BAIAP3: variants seen among roughly 807,000 people sequenced by gnomAD.
The protein encoded by BAIAP3 is BAI1 associated protein 3.
Under a neutral mutation model 149.7 loss-of-function variants are expected in BAIAP3, and 180 were observed. The observed-to-expected ratio is 1.20, with a 90% CI of 1.07 to 1.36. BAIAP3 has a LOEUF of 1.36. BAIAP3 is among the 40% of genes most tolerant of loss of function. The pLI, the probability that BAIAP3 is intolerant of heterozygous loss-of-function variation, is 0.00. For synonymous variants in BAIAP3, 845 were observed against 670.7 expected (o/e 1.26, Z -4.02); for missense variants, 1,767 against 1,563.4 (o/e 1.13, Z -2.20).
At chr16:1,334,439 A>C (rs2033327100) in intron 1 of BAIAP3, 103 of 527,376 alleles carry the variant, frequency 2.0e-4, no homozygotes, top group Middle Eastern at 5.3e-4. Context: ...GGCCCCGGGA[A>C]AGGGGGTGCC....
rs1439762048 is a variant in BAIAP3, at chr16:1,342,816, T to C, written c.1161+2T>C. The C allele has an allele frequency of 6.2e-7, 1 of 1,612,308 alleles. No individual in the cohort carries two copies. The highest frequency in any genetic ancestry group is 1.1e-5 in the South Asian group (1 of 91,056). On this transcript the variant is annotated splice_donor_variant, in intron 13 of 33. Coordinates refer to ENST00000426824, the MANE Select transcript of BAIAP3 (RefSeq NM_001199097.2). LOFTEE classifies it high-confidence loss of function. ...CGGTTGGAGCACTCAGCAGAGGAGG[T>C]AGTGGGTGCGCCTAGGATTGGAACA...
At chr16:1,347,026 C>T (rs1432910325) in intron 28 of BAIAP3, 71 bp downstream of exon 28, 1 of 1,399,856 alleles carries the variant, frequency 7.1e-7, no homozygotes, top group Non-Finnish European at 9.8e-7. Context: ...CCCTTTGTCC[C>T]CACTGGCCTG....
rs755896740 is a variant in BAIAP3, at chr16:1,348,380, G to A, written c.3357G>A (p.Val1119=). 9.9e-6 allele frequency: 16 copies of A among 1,612,158 alleles called. No homozygotes were observed. Among genetic ancestry groups the A allele is most frequent in the Middle Eastern group, 1.6e-4 (1 of 6,070 alleles). ...CACACCTGCCCGCGCTGCTTGCAGT[G>A]AGATCTGCGCTGAGGAGGCTGGAAG... is the stretch of plus-strand genomic sequence containing the variant. ...TLHLCRPRAQ[V]RSALRRLEGR... is the part of the protein sequence containing the mutation. The change falls in exon 34 of 34, where the codon GTG becomes GTA. Residue 1119 remains valine (V), a splice_region_variant and synonymous_variant. Coordinates refer to ENST00000426824, the MANE Select transcript of BAIAP3 (RefSeq NM_001199097.2).
intron 15 of BAIAP3, among the ~76,000 whole-genome samples, 198 bp from the exon 16 acceptor site, chr16:1,343,824 C>T (rs889279853): frequency 6.6e-6 from 1 of 152,156 alleles, no homozygotes; most frequent in African/African-American, 2.4e-5. Context: ...ACAGGCCCTA[C>T]GTGAGCTGCG....
At chr16:1,336,215 C>T (rs1032168034) in intron 1 of BAIAP3, 2 of 985,166 alleles carry the variant, frequency 2.0e-6, no homozygotes, top group Non-Finnish European at 2.4e-6. Flanking sequence ...CGGGGGACAG[C>T]AGGGGGAGCA....
At position 1,347,735 on chromosome 16, in the gene BAIAP3, G is replaced by A. The variant is rs2034477118; in HGVS notation, c.2939G>A (p.Ser980Asn). The change falls in exon 31 of 34, where the codon AGC (serine) becomes AAC (asparagine). Residue 980 changes from serine to asparagine, a missense_variant. Transcript: ENST00000426824. ...GAGCAGAACCGGTTTGGACGCCTGA[G>A]CGTCCGTTGCCATTACGAGGCGGCT... ...TLEQNRFGRL[S>N]VRCHYEAAEQ... 1 of 1,609,976 alleles carries A rather than the reference G, an allele frequency of 6.2e-7. No homozygotes were observed. Among genetic ancestry groups the A allele is most frequent in the Non-Finnish European group, 8.5e-7 (1 of 1,177,778 alleles).
At chr16:1,344,356 CT>C (rs778265599) in intron 17 of BAIAP3, 39 bp downstream of exon 17, 1 of 1,612,018 alleles carries the variant, frequency 6.2e-7, no homozygotes, top group African/African-American at 1.3e-5. Context: ...CTGCTAAGCC[CT>C]CCCTTCCCCT....
chr16:1,343,009 G>C lies in BAIAP3; in HGVS notation c.1258G>C (p.Ala420Pro), dbSNP rs1278483060. Residue 420 changes from alanine to proline, a missense_variant, in exon 14 of 34, where the codon GCC (alanine) becomes CCC (proline). By Grantham distance (27) the Ala-to-Pro change is conservative. Transcript: ENST00000426824. ...AQSNLSPLQL[A>P]VLHWQVSSRH... Reference sequence around the variant, plus strand: ...GAGCAACCTGTCACCCTTGCAGCTGGCCGTGCTGTGAGTGGGTGGAGCTAC... The same window carrying C: ...GAGCAACCTGTCACCCTTGCAGCTGCCCGTGCTGTGAGTGGGTGGAGCTAC... 1.9e-6 allele frequency: 3 copies of C among 1,608,658 alleles called. No homozygotes were observed. The African/African-American group carries it at 4.0e-5, about 21-fold the overall frequency.
chr16:1,345,844 G>C lies in BAIAP3; in HGVS notation c.2162G>C (p.Trp721Ser). The C allele has an allele frequency of 1.9e-6, 3 of 1,580,212 alleles. No individual in the cohort carries two copies. Among genetic ancestry groups the C allele is most frequent in the Non-Finnish European group, 2.6e-6 (3 of 1,165,056 alleles). The change falls in exon 23 of 34, where the codon TGG (tryptophan) becomes TCG (serine). Residue 721 changes from tryptophan (W) to serine (S), a missense_variant. By Grantham distance (177) the Trp-to-Ser change is radical (BLOSUM62 -3). Coordinates refer to ENST00000426824, the MANE Select transcript of BAIAP3 (RefSeq NM_001199097.2). ...CAGGAGTTGTGGGTGCGCCTGGCGTGGCCTGACCCTGCCCAGGCTCAGGGG... is the reference window on the plus strand; with the variant it reads ...CAGGAGTTGTGGGTGCGCCTGGCGTCGCCTGACCCTGCCCAGGCTCAGGGG... ...HIQELWVRLA[W>S]PDPAQAQGLG...
At chr16:1,336,943 G>A (rs528688141) in intron 1 of BAIAP3, among the ~76,000 whole-genome samples, 7 of 152,296 alleles carry the variant, frequency 4.6e-5, no homozygotes, top group South Asian at 2.1e-4. Flanking sequence ...GGGGGAGCGC[G>A]GTGTCCTAGA....
Position 1,339,072 on chromosome 16 carries a change from G to T in BAIAP3, c.219+83G>T, listed in dbSNP as rs756088884. 2.5e-6 allele frequency: 4 copies of T among 1,599,324 alleles called. No individual in the cohort carries two copies. The South Asian group carries it at 4.4e-5, about 18-fold the overall frequency. On this transcript the variant is annotated intron_variant, in intron 3 of 33. Coordinates refer to ENST00000426824, the MANE Select transcript of BAIAP3 (RefSeq NM_001199097.2). ...CTCCTCCCCGCTCCCTCCTGCCCTC[G>T]CTCCCACCTCCTGGGGCACCACCTG...
At position 1,340,986 on chromosome 16, in the gene BAIAP3, G is replaced by A. The variant is rs1342900505; in HGVS notation, c.468+5G>A. The A allele has an allele frequency of 2.5e-6, 4 of 1,600,056 alleles. No homozygotes were observed. Among genetic ancestry groups the A allele is most frequent in the Non-Finnish European group, 3.4e-6 (4 of 1,174,032 alleles). On this transcript the variant is annotated splice_donor_5th_base_variant and intron_variant, in intron 6 of 33. Transcript: ENST00000426824. Reference sequence around the variant, plus strand: ...GAGCGAGTGAGGAAGGCCAAGGTGAGGCCGCCACTGCCTGGGCAGGCACTG... The same window carrying A: ...GAGCGAGTGAGGAAGGCCAAGGTGAAGCCGCCACTGCCTGGGCAGGCACTG...
At chr16:1,342,840 C>T in intron 13 of BAIAP3, 26 bp downstream of exon 13, 3 of 1,612,462 alleles carry the variant, frequency 1.9e-6, no homozygotes, top group Non-Finnish European at 2.5e-6. Flanking sequence ...AGGATTGGAA[C>T]AGCCCGGCAG....
At chr16:1,342,123 G>A (rs770096743) in intron 10 of BAIAP3, 58 bp from the exon 11 acceptor site, 25 of 1,567,474 alleles carry the variant, frequency 1.6e-5, no homozygotes, top group African/African-American at 1.2e-4. Context: ...CATGGGGCCC[G>A]GCGGGCAGTG....
At chr16:1,347,450 T>A in intron 29 of BAIAP3, 81 bp downstream of exon 29, 1 of 1,589,642 alleles carries the variant, frequency 6.3e-7, no homozygotes, top group Non-Finnish European at 8.6e-7. Flanking sequence ...GCTGTGTCCT[T>A]GAGCATGAGG....
chr16:1,341,781 C>G, intron 8 of BAIAP3, 41 bp from the exon 9 acceptor site: 1 of 1,600,362 alleles, frequency 6.2e-7, no homozygotes, highest in Non-Finnish European at 8.5e-7. Flanking sequence ...TGGGCAGAGC[C>G]TCGCCGGGGA....
At chr16:1,338,725 C>T (rs113860984) in intron 2 of BAIAP3, 45 bp downstream of exon 2, 2 of 1,559,274 alleles carry the variant, frequency 1.3e-6, no homozygotes, top group African/African-American at 1.4e-5. Flanking sequence ...AGGGCCATTT[C>T]CCGCCAGACT....
Position 1,349,242 on chromosome 16 carries a change from C to A in BAIAP3, c.*760C>A. 1.5e-6 allele frequency: 1 copy of A among 669,576 alleles called. No individual in the cohort carries two copies. Among genetic ancestry groups the A allele is most frequent in the South Asian group, 1.8e-5 (1 of 56,596 alleles). 41.5% of individuals were successfully genotyped at this position (669,576 alleles called of 1,614,324 possible). On this transcript the variant is annotated 3_prime_UTR_variant, in exon 34 of 34. Transcript: ENST00000426824. ...TGAAAAACAGACTCACAAGGGGCTT[C>A]TTGGCCTGCAGCTTCATTTGCGAGA...
rs534433844 is a variant in BAIAP3, at chr16:1,338,960, G to A, written c.190G>A (p.Glu64Lys). 1.4e-5 allele frequency: 22 copies of A among 1,613,074 alleles called. No individual in the cohort carries two copies. The South Asian group carries it at 1.5e-4, about 11-fold the overall frequency. ...CATGCGCCTCATGCTGAAGAAGGGGGAAGGCAGACAGGGCTTGCCGTGCCT... is the reference window on the plus strand; with the variant it reads ...CATGCGCCTCATGCTGAAGAAGGGGAAAGGCAGACAGGGCTTGCCGTGCCT... ...AHMRLMLKKG[E>K]GRQGLPCLEV... Residue 64 changes from glutamate to lysine, a missense_variant, in exon 3 of 34, where the codon GAA becomes AAA. By Grantham distance (56) the Glu-to-Lys change is moderately conservative. Transcript: ENST00000426824.
Sources: allele counts gnomAD v4.1 joint callset (sites outside exome capture counted in the v4.1 genomes callset), GRCh38; gene constraint gnomAD v4.1.1; transcripts MANE v1.5; gene names NCBI Gene and HGNC (gene_info 2026-07-23, HGNC 2026-07-21).